Variants in DYTN observed in about 807,000 individuals in gnomAD.
DYTN encodes dystrotelin.
DYTN carries 75 observed loss-of-function variants against 69.6 expected under a neutral mutation model. That is an observed-to-expected ratio of 1.08 (90% CI 0.89 to 1.31). DYTN has a LOEUF of 1.31. Among genes scored for constraint, DYTN ranks in the 50% most tolerant of loss-of-function variants. The pLI is 0.00. For missense variants in DYTN, 726 were observed against 688.4 expected, an observed-to-expected ratio of 1.05 and a Z score of -0.61; for synonymous variants, 252 against 249.1, an observed-to-expected ratio of 1.01 and a Z score of -0.11.
At chr2:206,658,516 C>T (rs1377658529) in intron 11 of DYTN, among the ~76,000 whole-genome samples, 1 of 152,032 alleles carries the variant, frequency 6.6e-6, no homozygotes. Context: ...GCTGTTCAAA[C>T]GTTCATACTA....
chr2:206,699,589 A>T, intron 7 of DYTN, 138 bp downstream of exon 7: 1 of 1,027,126 alleles, frequency 9.7e-7, no homozygotes, highest in Non-Finnish European at 1.4e-6. Context: ...GCCTCTTGCC[A>T]GGAAATCATT....
intron 8 of DYTN, among the ~76,000 whole-genome samples, chr2:206,693,887 A>G (rs1471552802): frequency 6.6e-6 from 1 of 152,208 alleles, no homozygotes; most frequent in African/African-American, 2.4e-5. Context: ...AACAAATCCA[A>G]GACTTTTAGC....
chr2:206,666,326 C>T (rs1005298655), intron 9 of DYTN, among the ~76,000 whole-genome samples: 7 of 152,116 alleles, frequency 4.6e-5, no homozygotes, highest in Non-Finnish European at 8.8e-5. Context: ...ATTGGAAAAC[C>T]CTGTGCCTCA....
At chr2:206,681,702 A>G (rs760567320) in intron 9 of DYTN, among the ~76,000 whole-genome samples, 13 of 152,212 alleles carry the variant, frequency 8.5e-5, no homozygotes, top group Non-Finnish European at 1.2e-4. Context: ...ATGTTGAACC[A>G]GCCTTGCATC....
chr2:206,709,040 T>C (rs1198457889), intron 2 of DYTN, among the ~76,000 whole-genome samples: 1 of 151,394 alleles, frequency 6.6e-6, no homozygotes, highest in African/African-American at 2.5e-5. Flanking sequence ...GCTTTTTGTT[T>C]GTTCCTGGAA....
intron 7 of DYTN, among the ~76,000 whole-genome samples, 155 bp downstream of exon 7, chr2:206,699,572 C>G (rs1699954233): frequency 6.6e-6 from 1 of 152,168 alleles, no homozygotes; most frequent in South Asian, 2.1e-4. Flanking sequence ...TTATTATCAA[C>G]CAGGATGCCT....
intron 9 of DYTN, 103 bp downstream of exon 9, chr2:206,693,072 G>A (rs1332710351): frequency 2.8e-6 from 4 of 1,438,404 alleles, no homozygotes; most frequent in Non-Finnish European, 3.7e-6. Flanking sequence ...CTCCTGCCTT[G>A]TCTAGGATCT....
intron 4 of DYTN, 68 bp downstream of exon 4, chr2:206,705,720 A>G: frequency 7.0e-7 from 1 of 1,427,732 alleles, no homozygotes; most frequent in Non-Finnish European, 9.8e-7. Context: ...TGGCAGGGAT[A>G]TAGGATAACA....
chr2:206,706,650 A>G (rs903605955), intron 3 of DYTN, among the ~76,000 whole-genome samples: 5 of 152,104 alleles, frequency 3.3e-5, no homozygotes, highest in Non-Finnish European at 7.4e-5. Context: ...ATTCACTATG[A>G]TTTTTGAAAA....
intron 9 of DYTN, among the ~76,000 whole-genome samples, chr2:206,682,233 T>C (rs1264252429): frequency 6.6e-6 from 1 of 152,162 alleles, no homozygotes; most frequent in Non-Finnish European, 1.5e-5. Context: ...ATTCCCTTTC[T>C]CATCTTTTGT....
chr2:206,661,149 G>A (rs951258626), intron 11 of DYTN, among the ~76,000 whole-genome samples: 4 of 152,216 alleles, frequency 2.6e-5, no homozygotes, highest in African/African-American at 9.6e-5. Context: ...GCAAGCCCAG[G>A]AGAGAAGTCT....
intron 2 of DYTN, 103 bp from the exon 3 acceptor site, chr2:206,707,606 G>A (rs1454147056): frequency 8.5e-6 from 10 of 1,173,458 alleles, no homozygotes; most frequent in Non-Finnish European, 4.8e-6. Context: ...GACTTTTTAT[G>A]GTCGCTATTT....
intron 1 of DYTN, among the ~76,000 whole-genome samples, chr2:206,717,073 CACACAA>C (rs911661984): frequency 1.8e-4 from 27 of 149,950 alleles, no homozygotes; most frequent in Admixed American, 7.3e-4. Context: ...CACACACACA[CACACAA>C]AACAAACTCA....
Position 206,663,177 on chromosome 2 carries a change from T to G in DYTN, c.1359A>C (p.Pro453=). Residue 453 remains proline, a synonymous_variant, in exon 11 of 12, where the codon CCA becomes CCC. Transcript: ENST00000452335. The part of the protein sequence containing the change: ...HTNAEHALRN[P]ESPETTLHST... ...TGTGCAAAGTGGTCTCTGGTGATTC[T>G]GGATTTCGCAGAGCATGCTCTGCAT... 1 of 1,613,990 alleles carries G rather than the reference T, an allele frequency of 6.2e-7. No homozygotes were observed. Among genetic ancestry groups the G allele is most frequent in the Non-Finnish European group, 8.5e-7 (1 of 1,179,894 alleles).
At chr2:206,658,574 T>C (rs1699473919) in intron 11 of DYTN, among the ~76,000 whole-genome samples, 1 of 152,164 alleles carries the variant, frequency 6.6e-6, no homozygotes, top group Non-Finnish European at 1.5e-5. Context: ...ATCTAGAATA[T>C]GATGGGTTTT....
At chr2:206,698,472 C>G (rs752496369) in intron 7 of DYTN, among the ~76,000 whole-genome samples, 14 of 152,218 alleles carry the variant, frequency 9.2e-5, no homozygotes, top group Admixed American at 2.6e-4. Context: ...GCCTCTTGTC[C>G]CCTTCTCCTT....
At chr2:206,697,732 T>C (rs777648751) in intron 7 of DYTN, among the ~76,000 whole-genome samples, 1 of 152,170 alleles carries the variant, frequency 6.6e-6, no homozygotes, top group Non-Finnish European at 1.5e-5. Context: ...TCTTTGTATA[T>C]AGGACACCTG....
Position 206,657,434 on chromosome 2 carries a change from C to T in DYTN, c.1633+5469G>A, listed in dbSNP as rs1559303515. Among the ~76,000 whole-genome samples, 3 of 152,304 alleles carry T rather than the reference C, an allele frequency of 2.0e-5. No homozygotes were observed. In the South Asian group the frequency reaches 6.2e-4, roughly 32 times the overall value. ...CTGGGATTACAGATGTGAGCCACCA[C>T]ATCCAGCCCACATTTTGTTACTGAC... is the stretch of plus-strand genomic sequence containing the variant. On this transcript the variant is annotated intron_variant, in intron 11 of 11. Transcript: ENST00000452335.
chr2:206,717,706 A>AT lies in DYTN; in HGVS notation c.19+554dup, dbSNP rs546665403. On this transcript the variant is annotated intron_variant, in intron 1 of 11. Transcript: ENST00000452335. ...TAAAACAAGTAAGATAACAATGTAGATTTTGGTTAGGGGAGTAAGGCTCCA... is the reference window on the plus strand; with the variant it reads ...TAAAACAAGTAAGATAACAATGTAGATTTTTGGTTAGGGGAGTAAGGCTCCA... Among the ~76,000 whole-genome samples, 605 of 152,324 alleles carry AT rather than the reference A, an allele frequency of 4.0e-3. 6 individuals are homozygous for AT. Among genetic ancestry groups the AT allele is most frequent in the Middle Eastern group, 0.017 (5 of 294 alleles).
Sources: gnomAD v4.1 joint callset for allele counts (sites outside exome capture counted in the v4.1 genomes callset) on GRCh38, gnomAD v4.1.1 for gene constraint, MANE v1.5 for transcripts, NCBI Gene and HGNC (gene_info 2026-07-23, HGNC 2026-07-21) for gene names.